Variants in KRT5 observed in about 807,000 individuals in gnomAD.
KRT5 encodes the protein keratin 5, also known as keratin, type II cytoskeletal 5.
KRT5 carries 17 observed loss-of-function variants against 44.0 expected under a neutral mutation model. That is an observed-to-expected ratio of 0.39 (90% CI 0.26 to 0.58). The LOEUF (loss-of-function observed/expected upper bound fraction) is 0.58. Ranked by LOEUF, KRT5 falls within the 20% of genes least tolerant of loss-of-function variation. KRT5 has a pLI of 0.61. For synonymous variants in KRT5, 329 were observed against 312.8 expected (o/e 1.05, Z -0.55); for missense variants, 737 against 785.5 (o/e 0.94, Z 0.74).
chr12:52,514,614 T>G lies in KRT5; in HGVS notation c.*328A>C. ...CATTTTATTGAACACATTCTGGAGG[T>G]AGTTAGAACCAAAACAAAATTTGGG... On this transcript the variant is annotated 3_prime_UTR_variant, in exon 9 of 9. Transcript: ENST00000252242. 4 of 360,234 alleles carry G rather than the reference T, an allele frequency of 1.1e-5. No homozygotes were observed. Among genetic ancestry groups the G allele is most frequent in the Non-Finnish European group, 2.0e-5 (4 of 198,822 alleles). The allele number at this position is 360,234 out of a possible 1,614,324, so 22.3% of individuals were successfully genotyped here. A position where few individuals can be genotyped will look rare whatever the true frequency, so the allele number is the denominator to read the frequency against.
Position 52,517,759 on chromosome 12 carries a change from AG to A in KRT5, c.928-6del. 6.2e-7 allele frequency: 1 copy of A among 1,614,222 alleles called. No individual in the cohort carries two copies. The highest frequency in any genetic ancestry group is 8.5e-7 in the Non-Finnish European group (1 of 1,180,016). ...CGTCTGCATCTGGGACAGCTCCTGC[AG>A]GGAGATTTGGAGTCGGTCATCTGGT... On this transcript the variant is annotated splice_region_variant and splice_polypyrimidine_tract_variant and intron_variant, in intron 4 of 8. Transcript: ENST00000252242.
chr12:52,519,006 C>T lies in KRT5; in HGVS notation c.710G>A (p.Arg237Gln), dbSNP rs978927000. ...RRQLDSIVGE[R>Q]GRLDSELRNM... ...TCTCAGCTCTGAGTCCAGGCGGCCC[C>T]GTTCCCCCACGATGCTGTCCAGCTG... The change falls in exon 2 of 9, where the codon CGG becomes CAG. Residue 237 changes from arginine to glutamine, a missense_variant. Transcript: ENST00000252242. 8.1e-6 allele frequency: 13 copies of T among 1,614,036 alleles called. No homozygotes were observed. Among genetic ancestry groups the T allele is most frequent in the East Asian group, 2.2e-5 (1 of 44,894 alleles).
At position 52,516,669 on chromosome 12, in the gene KRT5, A is replaced by G; in HGVS notation, c.1407T>C (p.Thr469=). ...TKLALDVEIA[T]YRKLLEGEEC... ...CCTCGCCCTCCAGCAGCTTGCGGTAAGTGGCGATCTCCACGTCCAGGGCCA... is the reference window on the plus strand; with the variant it reads ...CCTCGCCCTCCAGCAGCTTGCGGTAGGTGGCGATCTCCACGTCCAGGGCCA... The change falls in exon 7 of 9, where the codon ACT becomes ACC. Residue 469 remains threonine (T), a synonymous_variant. Coordinates refer to ENST00000252242, the MANE Select transcript of KRT5 (RefSeq NM_000424.4). The G allele has an allele frequency of 6.2e-7, 1 of 1,614,156 alleles. No individual in the cohort carries two copies. Among genetic ancestry groups the G allele is most frequent in the Non-Finnish European group, 8.5e-7 (1 of 1,180,032 alleles).
rs6603 is a variant in KRT5 at position 52,514,689 on chromosome 12, G to A, written c.*253C>T. 0.13 allele frequency: 64,078 copies of A among 490,176 alleles called. 4,753 individuals are homozygous for A. The highest frequency in any genetic ancestry group is 0.18 in the African/African-American group (9,262 of 52,048). The allele number at this position is 490,176 out of a possible 1,614,324, so 30.4% of individuals were successfully genotyped here. ...TGATTTAGATTTGGGAAAACTTTGG[G>A]TTCTCGTGTCAGCAGGGGCCATGCT... On this transcript the variant is annotated 3_prime_UTR_variant, in exon 9 of 9. Coordinates refer to ENST00000252242, the MANE Select transcript of KRT5 (RefSeq NM_000424.4).
chr12:52,516,419 G>A (rs994022502), intron 7 of KRT5: 2 of 590,974 alleles, frequency 3.4e-6, no homozygotes, highest in African/African-American at 3.7e-5. Flanking sequence ...CAGGTGCTTG[G>A]AGGACAGCCA....
chr12:52,519,388 A>T, intron 1 of KRT5: 1 of 684,042 alleles, frequency 1.5e-6, no homozygotes, highest in Admixed American at 2.5e-5. Context: ...TGCTGCTTGG[A>T]GTGTGTCCCG....
intron 5 of KRT5, among the ~76,000 whole-genome samples, 164 bp from the exon 6 acceptor site, chr12:52,517,396 T>C (rs1938627975): frequency 6.6e-6 from 1 of 152,192 alleles, no homozygotes; most frequent in South Asian, 2.1e-4. Context: ...CTGGAGACAC[T>C]GGTGTGAGAT....
intron 7 of KRT5, 164 bp downstream of exon 7, chr12:52,516,473 G>A: frequency 1.3e-6 from 1 of 742,600 alleles, no homozygotes; most frequent in South Asian, 1.6e-5. Context: ...AGAAAAGTGA[G>A]TTGAGGTCAG....
intron 2 of KRT5, chr12:52,518,519 A>T (rs1388840756): frequency 1.8e-6 from 1 of 549,724 alleles, no homozygotes; most frequent in Non-Finnish European, 3.4e-6. Flanking sequence ...GAAAAGAAAC[A>T]AAATTAAATC....
At position 52,519,858 on chromosome 12, in the gene KRT5, G is replaced by T. The variant is rs1398442332; in HGVS notation, c.439C>A (p.Gln147Lys). 6.2e-7 allele frequency: 1 copy of T among 1,613,774 alleles called. No homozygotes were observed. The highest frequency in any genetic ancestry group is 2.2e-5 in the East Asian group (1 of 44,864). ...PGGIQEVTVN[Q>K]SLLTPLNLQI... ...AGGTTGAGGGGAGTCAGGAGACTCT[G>T]GTTGACAGTGACCTCTTGGATACCT... Residue 147 changes from glutamine (Q) to lysine (K), a missense_variant, in exon 1 of 9, where the codon CAG becomes AAG. By Grantham distance (53) the Gln-to-Lys change is moderately conservative. Around this residue, in one of 5 missense-constraint regions of KRT5, gnomAD observed 326 missense variants for 333.1 expected, o/e 0.98. Transcript: ENST00000252242.
rs12231141 is a variant in KRT5, at chr12:52,516,393, A to T, written c.1439+244T>A. The T allele has an allele frequency of 6.4e-5, 35 of 543,296 alleles. No homozygotes were observed. The South Asian group carries it at 6.5e-4, about 10-fold the overall frequency. The allele number at this position is 543,296 out of a possible 1,614,324, so 33.7% of individuals were successfully genotyped here. ...AGCAGAAAAGGCACAAGTGTCAAGA[A>T]GATTGCTGAGTTGCTCAGGTGCTTG... is the stretch of plus-strand genomic sequence containing the variant. On this transcript the variant is annotated intron_variant, in intron 7 of 8. Coordinates refer to ENST00000252242, the MANE Select transcript of KRT5 (RefSeq NM_000424.4).
intron 2 of KRT5, chr12:52,518,640 G>C: frequency 3.5e-6 from 2 of 570,698 alleles, no homozygotes; most frequent in Non-Finnish European, 6.3e-6. Flanking sequence ...CCCATGTACC[G>C]GGGAGGAAAG....
rs184106066 is a variant in KRT5 at position 52,516,573 on chromosome 12, C to T, written c.1439+64G>A. 4.4e-5 allele frequency: 64 copies of T among 1,463,892 alleles called. No individual in the cohort carries two copies. The East Asian group carries it at 9.3e-4, about 21-fold the overall frequency. 90.7% of individuals were successfully genotyped at this position (1,463,892 alleles called of 1,614,324 possible). A position where few individuals can be genotyped will look rare whatever the true frequency, so the allele number is the denominator to read the frequency against. On this transcript the variant is annotated intron_variant, in intron 7 of 8. Transcript: ENST00000252242. ...GATCTCATGTATGTGTGTTGTACAC[C>T]CCACAGTAGAGCAGCTTCGCTTTAT...
At position 52,515,797 on chromosome 12, in the gene KRT5, C is replaced by T; in HGVS notation, c.1474+1G>A. On this transcript the variant is annotated splice_donor_variant, in intron 8 of 8. Transcript: ENST00000252242. LOFTEE classifies it high-confidence loss of function. ...GTTAATGTCTGTTCAAAGCTACTTA[C>T]AGATGTTGACTGGTCCAACTCCTTC... The T allele has an allele frequency of 1.2e-6, 2 of 1,611,508 alleles. No individual in the cohort carries two copies. Among genetic ancestry groups the T allele is most frequent in the Non-Finnish European group, 1.7e-6 (2 of 1,177,606 alleles).
chr12:52,516,188 T>A (rs1019433298), intron 7 of KRT5: 1 of 441,904 alleles, frequency 2.3e-6, no homozygotes, highest in African/African-American at 2.0e-5. Context: ...CAACAGAAAG[T>A]AGGCAATGGG....
At chr12:52,517,546 TGG>T in intron 5 of KRT5, 42 bp downstream of exon 5, 1 of 1,598,108 alleles carries the variant, frequency 6.3e-7, no homozygotes, top group Non-Finnish European at 8.6e-7. Flanking sequence ...ATCCTAGACA[TGG>T]GTGTGTCCCC....
intron 7 of KRT5, 77 bp from the exon 8 acceptor site, chr12:52,515,909 C>A: frequency 4.0e-6 from 5 of 1,246,088 alleles, no homozygotes; most frequent in Non-Finnish European, 5.9e-6. Context: ...AACTCCCATC[C>A]TCATGATTCG....
chr12:52,515,201 C>T lies in KRT5; in HGVS notation c.1514G>A (p.Gly505Asp). Reference sequence around the variant, plus strand: ...ACCGAGGCCACCGCCATAGCCACTGCCACTGCCATATCCAGAGGAAACACT... The same window carrying T: ...ACCGAGGCCACCGCCATAGCCACTGTCACTGCCATATCCAGAGGAAACACT... ...TSSVSSGYGS[G>D]SGYGGGLGGG... Residue 505 changes from glycine to aspartate, a missense_variant, in exon 9 of 9, where the codon GGC becomes GAC. Around this residue, in one of 5 missense-constraint regions of KRT5, gnomAD observed 344 missense variants for 351.6 expected, o/e 0.98. Coordinates refer to ENST00000252242, the MANE Select transcript of KRT5 (RefSeq NM_000424.4). 1 of 1,610,900 alleles carries T rather than the reference C, an allele frequency of 6.2e-7. No individual in the cohort carries two copies. The highest frequency in any genetic ancestry group is 8.5e-7 in the Non-Finnish European group (1 of 1,179,896).
chr12:52,516,186 A>T (rs1206477788), intron 7 of KRT5: 2 of 446,792 alleles, frequency 4.5e-6, no homozygotes, highest in African/African-American at 3.9e-5. Flanking sequence ...TCCAACAGAA[A>T]GTAGGCAATG....
Sources: allele counts gnomAD v4.1 joint callset (sites outside exome capture counted in the v4.1 genomes callset), GRCh38; gene constraint gnomAD v4.1.1; regional missense constraint gnomAD v4.1.1; transcripts MANE v1.5; gene names NCBI Gene and HGNC (gene_info 2026-07-23, HGNC 2026-07-21).